PDXDC1: variants seen among roughly 807,000 people sequenced by gnomAD.
PDXDC1 encodes the protein pyridoxal-dependent decarboxylase domain-containing protein 1.
A neutral mutation model predicts 100.1 loss-of-function variants in PDXDC1; 42 were observed. The observed-to-expected ratio is 0.42, with a 90% confidence interval of 0.33 to 0.54. The LOEUF (loss-of-function observed/expected upper bound fraction) is 0.54, where lower values mean the gene tolerates loss of function less well. Ranked by LOEUF, PDXDC1 falls within the 20% of genes least tolerant of loss-of-function variation. PDXDC1 has a pLI of 0.10. For synonymous variants in PDXDC1, 260 were observed against 371.7 expected (o/e 0.70, Z 3.46); for missense variants, 636 against 979.2 (o/e 0.65, Z 4.68).
the PDXDC1 span, among the ~76,000 whole-genome samples, chr16:15,150,252 A>G: frequency 2.6e-5 from 4 of 151,822 alleles, no homozygotes; most frequent in East Asian, 5.8e-4. Flanking sequence ...GAGGCAGGAG[A>G]ATGGCGTGAA....
rs75665854 is a variant in PDXDC1 at position 15,058,042 on chromosome 16, C to T, written c.1399+27986C>T. On this transcript the variant is annotated intron_variant, in intron 16 of 16. Coordinates refer to the PDXDC1 transcript ENST00000535621. ...AATAGCAGGTGTGTGGCCAGCACTG[C>T]GGCTCATGCCTGTAACCCCAGCACT... Among the ~76,000 whole-genome samples the T allele has an allele frequency of 1.8e-4, 27 of 152,282 alleles. No homozygotes were observed. In the East Asian group the frequency reaches 5.0e-3, roughly 28 times the overall value.
At chr16:15,131,243 C>T (rs1372411380) in intron 16 of PDXDC1, 1 of 1,592,364 alleles carries the variant, frequency 6.3e-7, no homozygotes, top group Admixed American at 1.7e-5. Flanking sequence ...TTGTTGGGCA[C>T]CTTCACGGTG....
rs535607707 is a variant in PDXDC1 at position 15,131,759 on chromosome 16, G to C, written c.1400-7120G>C. The C allele has an allele frequency of 3.3e-4, 303 of 916,568 alleles. 6 individuals carry two copies. In the East Asian group the frequency reaches 5.2e-3, roughly 16 times the overall value. The allele number at this position is 916,568 out of a possible 1,614,324, so 56.8% of individuals were successfully genotyped here. A position where few individuals can be genotyped will look rare whatever the true frequency, so the allele number is the denominator to read the frequency against. ...GAGACAGGGAGGCAGAGGGAGGGTG[G>C]GGGCAGGCAAAAAGGGGGAGCCGGA... On this transcript the variant is annotated intron_variant, in intron 16 of 16. Transcript: ENST00000535621.
At chr16:15,011,030 A>T (rs867754214) in intron 8 of PDXDC1, among the ~76,000 whole-genome samples, 3 of 152,294 alleles carry the variant, frequency 2.0e-5, no homozygotes, top group Non-Finnish European at 4.4e-5. Flanking sequence ...AACTTGATCC[A>T]TCTTAAAATC....
chr16:15,060,010 A>C (rs956521363), intron 16 of PDXDC1: 4 of 169,912 alleles, frequency 2.4e-5, no homozygotes, highest in Admixed American at 6.7e-5. Context: ...AAAAAAAAAA[A>C]CAAAACAGAA....
downstream of PDXDC1, among the ~76,000 whole-genome samples, chr16:15,041,948 G>A (rs993421310): frequency 1.3e-5 from 2 of 152,198 alleles, no homozygotes; most frequent in African/African-American, 4.8e-5. Context: ...CATTCTGAGA[G>A]TTTTGCGGGG....
chr16:15,041,107 C>A (rs773311146), downstream of PDXDC1: 13 of 1,576,110 alleles, frequency 8.2e-6, no homozygotes, highest in Non-Finnish European at 9.6e-6. Flanking sequence ...TCGTTTTCTT[C>A]CCGGTCATTT....
At chr16:15,066,901 G>A (rs1382255975) in intron 16 of PDXDC1, among the ~76,000 whole-genome samples, 10 of 151,918 alleles carry the variant, frequency 6.6e-5, no homozygotes, top group Middle Eastern at 3.4e-3. Flanking sequence ...CCTCCAATGC[G>A]CATGCCAACC....
intron 12 of PDXDC1, among the ~76,000 whole-genome samples, chr16:15,020,643 T>G (rs1344055706): frequency 2.0e-5 from 3 of 151,748 alleles, no homozygotes; most frequent in Non-Finnish European, 4.4e-5. Context: ...GAGCCGAGAT[T>G]GCGCCACTGC....
downstream of PDXDC1, among the ~76,000 whole-genome samples, chr16:15,139,555 G>C (rs1434094271): frequency 7.0e-6 from 1 of 143,236 alleles, no homozygotes; most frequent in Admixed American, 7.2e-5. Flanking sequence ...TGTAATCCCA[G>C]TGCTTTGGGA....
chr16:15,068,672 A>G (rs1184928283), intron 16 of PDXDC1, among the ~76,000 whole-genome samples: 1 of 152,216 alleles, frequency 6.6e-6, no homozygotes, highest in Non-Finnish European at 1.5e-5. Flanking sequence ...TCTAGCTTGC[A>G]TGTCTTGTTA....
chr16:15,104,436 G>A, intron 16 of PDXDC1: 1 of 1,339,868 alleles, frequency 7.5e-7, no homozygotes, highest in Non-Finnish European at 9.7e-7. Flanking sequence ...TCCGCTGAGG[G>A]TGGAGCTGAG....
chr16:15,149,517 C>T, the PDXDC1 span, among the ~76,000 whole-genome samples: 35 of 152,208 alleles, frequency 2.3e-4, no homozygotes, highest in Non-Finnish European at 8.8e-5. Flanking sequence ...AGGCATCAGG[C>T]CTAGGGGTCG....
intron 16 of PDXDC1, chr16:15,092,439 C>T: frequency 1.1e-6 from 1 of 904,904 alleles, no homozygotes; most frequent in Non-Finnish European, 1.8e-6. Flanking sequence ...TTCTATTGGT[C>T]TTTAGTATAA....
At chr16:15,149,018 C>T in the PDXDC1 span, among the ~76,000 whole-genome samples, 3 of 152,226 alleles carry the variant, frequency 2.0e-5, no homozygotes, top group South Asian at 2.1e-4. Flanking sequence ...GCGGGAGCCA[C>T]GTAAGACCCG....
intron 16 of PDXDC1, among the ~76,000 whole-genome samples, chr16:15,085,941 A>C (rs1034336786): frequency 6.6e-6 from 1 of 152,196 alleles, no homozygotes; most frequent in African/African-American, 2.4e-5. Context: ...ATAAATTCAT[A>C]AAACTCACAG....
At chr16:14,974,828 T>C (rs1218654893), upstream of PDXDC1, 14 of 1,535,556 alleles carry the variant, frequency 9.1e-6, no homozygotes, top group East Asian at 1.2e-4. Context: ...ATTTCCAGCC[T>C]TTCACTCCAT....
At chr16:15,144,151 C>T (rs1321437136), downstream of PDXDC1, among the ~76,000 whole-genome samples, 2 of 152,168 alleles carry the variant, frequency 1.3e-5, no homozygotes, top group Admixed American at 6.5e-5. Flanking sequence ...CCGTCCCTCC[C>T]GAGAGCAGGC....
chr16:15,127,984 G>T (rs1466666837), intron 16 of PDXDC1: 3 of 1,584,374 alleles, frequency 1.9e-6, no homozygotes, highest in Non-Finnish European at 2.6e-6. Context: ...CATGGAACGA[G>T]GCCTTACTCG....
Sources: gnomAD v4.1 joint callset for allele counts (sites outside exome capture counted in the v4.1 genomes callset) on GRCh38, gnomAD v4.1.1 for gene constraint, MANE v1.5 for transcripts, NCBI Gene and HGNC (gene_info 2026-07-23, HGNC 2026-07-21) for gene names.